Variants in SFMBT2 observed in about 807,000 individuals in gnomAD.
SFMBT2 encodes Scm like with four mbt domains 2, also known as scm-like with four MBT domains protein 2.
SFMBT2 carries 38 observed loss-of-function variants against 110.1 expected under a neutral mutation model. The ratio of observed to expected loss-of-function variants is 0.35; its 90% CI spans 0.27 to 0.45. The LOEUF (loss-of-function observed/expected upper bound fraction) is 0.45. SFMBT2 is among the 20% of genes least tolerant of loss of function. The pLI, the probability that SFMBT2 is intolerant of heterozygous loss-of-function variation, is 1.00. For synonymous variants in SFMBT2, 425 were observed against 425.4 expected, an observed-to-expected ratio of 1.00 and a Z score of 0.01; for missense variants, 1,011 against 1,094.9, an observed-to-expected ratio of 0.92 and a Z score of 1.08.
chr10:7,220,612 A>C, intron 10 of SFMBT2, 75 bp from the exon 11 acceptor site: 1 of 1,502,342 alleles, frequency 6.7e-7, no homozygotes, highest in Non-Finnish European at 9.2e-7. Context: ...AAGAAAGAGA[A>C]AGAAATGCAC....
intron 1 of SFMBT2, among the ~76,000 whole-genome samples, chr10:7,386,149 A>G (rs1325064376): frequency 3.9e-5 from 6 of 152,228 alleles, no homozygotes; most frequent in African/African-American, 1.2e-4. Flanking sequence ...AGGATGGCTC[A>G]TGCTCAGGGA....
intron 2 of SFMBT2, among the ~76,000 whole-genome samples, chr10:7,377,951 A>G (rs1845288374): frequency 1.6e-5 from 1 of 63,486 alleles, no homozygotes; most frequent in East Asian, 9.1e-4. Flanking sequence ...GTACCCCCAA[A>G]ATTTTGTGTG....
At chr10:7,296,421 CACTT>C (rs1375586996) in intron 4 of SFMBT2, among the ~76,000 whole-genome samples, 1 of 152,180 alleles carries the variant, frequency 6.6e-6, no homozygotes, top group Non-Finnish European at 1.5e-5. Context: ...TGGAATAAGA[CACTT>C]GCTTGTTAAA....
intron 2 of SFMBT2, chr10:7,370,733 G>A (rs1025405334): frequency 1.5e-4 from 94 of 641,218 alleles, no homozygotes; most frequent in Non-Finnish European, 1.6e-4. Context: ...AGGACAAGGC[G>A]AAGGAACCCA....
At chr10:7,214,498 C>T (rs1193681338) in intron 11 of SFMBT2, 1 of 915,026 alleles carries the variant, frequency 1.1e-6, no homozygotes, top group Non-Finnish European at 1.3e-6. Flanking sequence ...GGGCAAAGGA[C>T]AGATTAGATT....
chr10:7,400,024 G>A (rs1846030011), intron 1 of SFMBT2, among the ~76,000 whole-genome samples: 1 of 152,198 alleles, frequency 6.6e-6, no homozygotes, highest in African/African-American at 2.4e-5. Flanking sequence ...TGTTTGACAA[G>A]CCGGAGGAAT....
chr10:7,264,077 G>A, intron 7 of SFMBT2: 1 of 244,264 alleles, frequency 4.1e-6, no homozygotes, highest in Non-Finnish European at 6.6e-6. Flanking sequence ...TTAGTAGAGA[G>A]GGTGTCCATG....
intron 16 of SFMBT2, among the ~76,000 whole-genome samples, chr10:7,179,844 C>T (rs1838193205): frequency 6.6e-6 from 1 of 152,228 alleles, no homozygotes; most frequent in African/African-American, 2.4e-5. Flanking sequence ...ACAAGTGTTT[C>T]AGTAAAAACT....
chr10:7,240,351 T>C (rs559343701), intron 9 of SFMBT2, among the ~76,000 whole-genome samples: 2 of 152,310 alleles, frequency 1.3e-5, no homozygotes, highest in African/African-American at 4.8e-5. Context: ...ACGTCCCTCA[T>C]TCTTTTCAAC....
At chr10:7,265,136 CTCCCTCCCTCCCTCCT>C (rs36231289) in intron 7 of SFMBT2, among the ~76,000 whole-genome samples, 97,912 of 131,902 alleles carry the variant, frequency 0.74, 37,175 homozygotes, top group East Asian at 0.92. Flanking sequence ...ATGCTGAGAT[CTCCCTCCCTCCCTCCT>C]TCCCTCCCTC....
At chr10:7,394,741 T>C (rs1334670460) in intron 1 of SFMBT2, among the ~76,000 whole-genome samples, 3 of 152,178 alleles carry the variant, frequency 2.0e-5, no homozygotes, top group Non-Finnish European at 4.4e-5. Flanking sequence ...GGTATATAGG[T>C]ACTGCTTTCA....
chr10:7,202,464 G>A lies in SFMBT2; in HGVS notation c.1487+16C>T. 1.2e-6 allele frequency: 2 copies of A among 1,614,086 alleles called. No individual in the cohort carries two copies. Among genetic ancestry groups the A allele is most frequent in the Non-Finnish European group, 1.7e-6 (2 of 1,179,994 alleles). The stretch of plus-strand genomic sequence containing the variant: ...ATCGGTATACAGTGTAGTCTGGAGG[G>A]GAAAAAAGCACGTACTGTTTCTCTG... On this transcript the variant is annotated intron_variant, in intron 13 of 20. Transcript: ENST00000397167.
rs905974401 is a variant in SFMBT2, at chr10:7,310,697, T to G, written c.437-24743A>C. Among the ~76,000 whole-genome samples the G allele has an allele frequency of 7.2e-5, 11 of 152,160 alleles. 1 individual carries two copies. Among genetic ancestry groups the G allele is most frequent in the African/African-American group, 2.7e-4 (11 of 41,444 alleles). On this transcript the variant is annotated intron_variant, in intron 4 of 20. Coordinates refer to ENST00000397167, the MANE Select transcript of SFMBT2 (RefSeq NM_001387889.1). ...AGTTGCTGTGCATTTTCTGACTACA[T>G]GCTAGCTCCATAGAGGAAACAGGCA... is the stretch of plus-strand genomic sequence containing the variant.
chr10:7,298,371 C>T (rs1049679632), intron 4 of SFMBT2, among the ~76,000 whole-genome samples: 1 of 152,182 alleles, frequency 6.6e-6, no homozygotes, highest in Non-Finnish European at 1.5e-5. Flanking sequence ...TGCTCAGACT[C>T]TCCATCCTGG....
chr10:7,202,924 C>G (rs1049583412), intron 12 of SFMBT2: 39 of 985,256 alleles, frequency 4.0e-5, no homozygotes, highest in Admixed American at 2.5e-4. Flanking sequence ...ACAGCACACT[C>G]CCAAGGTGCT....
At chr10:7,268,574 G>A (rs548152884) in intron 7 of SFMBT2, among the ~76,000 whole-genome samples, 35 of 151,780 alleles carry the variant, frequency 2.3e-4, no homozygotes, top group African/African-American at 7.7e-4. Context: ...GCAGTGGCAC[G>A]ATCTCGGCTC....
At chr10:7,345,593 G>A (rs764552422) in intron 4 of SFMBT2, among the ~76,000 whole-genome samples, 1 of 152,126 alleles carries the variant, frequency 6.6e-6, no homozygotes. Context: ...TCCTGACCTC[G>A]TGATCTACCC....
intron 7 of SFMBT2, among the ~76,000 whole-genome samples, chr10:7,266,830 C>T (rs1841409794): frequency 6.6e-6 from 1 of 152,098 alleles, no homozygotes; most frequent in African/African-American, 2.4e-5. Context: ...GGAGAGCCAA[C>T]AAAATTTCCT....
Position 7,159,893 on chromosome 10 carries a change from A to G in SFMBT2, c.*3877T>C, listed in dbSNP as rs1195004497. 1 of 152,200 alleles carries G rather than the reference A, an allele frequency of 6.6e-6. No homozygotes were observed. The highest frequency in any genetic ancestry group is 1.5e-5 in the Non-Finnish European group (1 of 68,038). 9.4% of individuals were successfully genotyped at this position (152,200 alleles called of 1,614,324 possible). ...GTGTTTGGCATAAGACAGAAGGCAA[A>G]TCTCAGAACTTGCCAAATACAACAC... is the stretch of plus-strand genomic sequence containing the variant. On this transcript the variant is annotated 3_prime_UTR_variant, in exon 21 of 21. Transcript: ENST00000397167.
Sources: allele counts gnomAD v4.1 joint callset (sites outside exome capture counted in the v4.1 genomes callset), GRCh38; gene constraint gnomAD v4.1.1; transcripts MANE v1.5; gene names NCBI Gene and HGNC (gene_info 2026-07-23, HGNC 2026-07-21).